ACCSL: variants seen among roughly 807,000 people sequenced by gnomAD.
ACCSL encodes the protein 1-aminocyclopropane-1-carboxylate synthase homolog (inactive) like, also known as probable inactive 1-aminocyclopropane-1-carboxylate synthase-like protein 2.
Under a neutral mutation model 61.7 loss-of-function variants are expected in ACCSL, and 55 were observed. The ratio of observed to expected loss-of-function variants is 0.89; its 90% confidence interval spans 0.72 to 1.12. The LOEUF (loss-of-function observed/expected upper bound fraction) is 1.12. Among genes scored for constraint, ACCSL ranks in the 50% most tolerant of loss-of-function variants. ACCSL has a pLI of 0.00. For synonymous variants in ACCSL, 258 were observed against 264.3 expected (o/e 0.98, Z 0.23); for missense variants, 632 against 698.0 (o/e 0.91, Z 1.07).
the ACCSL span, among the ~76,000 whole-genome samples, chr11:43,954,968 G>T: frequency 6.6e-6 from 1 of 152,212 alleles, no homozygotes. Flanking sequence ...CAAGCTTCCA[G>T]CTTGCTTATC....
chr11:43,988,073 C>G, the ACCSL span, among the ~76,000 whole-genome samples: 54,215 of 151,960 alleles, frequency 0.36, 9,795 homozygotes, highest in South Asian at 0.44. Context: ...CTAGCCTCAG[C>G]TCCACCATGA....
the ACCSL span, among the ~76,000 whole-genome samples, chr11:44,009,274 G>A: frequency 6.6e-6 from 1 of 152,188 alleles, no homozygotes; most frequent in South Asian, 2.1e-4. Context: ...CCAGGCCTTT[G>A]CTTCTCCCAG....
the ACCSL span, among the ~76,000 whole-genome samples, chr11:43,939,160 T>G: frequency 6.6e-6 from 1 of 152,214 alleles, no homozygotes; most frequent in Non-Finnish European, 1.5e-5. Flanking sequence ...TTCCAACCAT[T>G]TTTCTAGAAT....
chr11:44,015,207 T>C, the ACCSL span, among the ~76,000 whole-genome samples: 2 of 152,254 alleles, frequency 1.3e-5, no homozygotes, highest in Non-Finnish European at 2.9e-5. Context: ...ATTCATGCAT[T>C]ATATCACTGC....
chr11:43,969,383 T>A, the ACCSL span, among the ~76,000 whole-genome samples: 14 of 152,146 alleles, frequency 9.2e-5, no homozygotes, highest in East Asian at 1.9e-4. Context: ...AATAAAAAAA[T>A]TTTTTAAACA....
At chr11:44,031,238 G>C in the ACCSL span, among the ~76,000 whole-genome samples, 2 of 152,312 alleles carry the variant, frequency 1.3e-5, no homozygotes, top group East Asian at 3.9e-4. Context: ...ACGTCATCCT[G>C]CCCCCTGCCA....
At chr11:43,944,252 G>C in the ACCSL span, 2 of 173,162 alleles carry the variant, frequency 1.2e-5, no homozygotes, top group South Asian at 1.3e-4. Flanking sequence ...CACAGAAGAC[G>C]CATCTCCCTC....
the ACCSL span, among the ~76,000 whole-genome samples, chr11:44,001,683 G>T: frequency 6.6e-6 from 1 of 151,828 alleles, no homozygotes; most frequent in Non-Finnish European, 1.5e-5. Flanking sequence ...ATCTAAATGT[G>T]GGTGGACAGG....
chr11:43,969,476 A>G, the ACCSL span, among the ~76,000 whole-genome samples: 1 of 152,212 alleles, frequency 6.6e-6, no homozygotes, highest in South Asian at 2.1e-4. Flanking sequence ...TTAGTGAGGT[A>G]GTATATGCAA....
At chr11:43,941,323 A>G in the ACCSL span, among the ~76,000 whole-genome samples, 1 of 152,202 alleles carries the variant, frequency 6.6e-6, no homozygotes, top group Admixed American at 6.5e-5. Context: ...TCCCATTAGA[A>G]TGTAACTTTC....
chr11:43,933,191 T>C, the ACCSL span: 1 of 456,114 alleles, frequency 2.2e-6, no homozygotes, highest in Non-Finnish European at 4.4e-6. Flanking sequence ...TACTGGCTCA[T>C]GGTTTGGTAG....
At position 44,050,636 on chromosome 11, in the gene ACCSL, A is replaced by T. The variant is rs372522833; in HGVS notation, c.635+14A>T. On this transcript the variant is annotated intron_variant, in intron 3 of 13. Coordinates refer to ENST00000378832, the MANE Select transcript of ACCSL (RefSeq NM_001031854.2). Reference sequence around the variant, plus strand: ...AGGGCAGCCATTGTAAGTGACCTTCAGATTTAGAGTCTCTTGGTCCCACAG... The same window carrying T: ...AGGGCAGCCATTGTAAGTGACCTTCTGATTTAGAGTCTCTTGGTCCCACAG... 1.9e-6 allele frequency: 3 copies of T among 1,612,830 alleles called. No individual in the cohort carries two copies. In the African/African-American group the frequency reaches 4.0e-5, roughly 22 times the overall value.
At chr11:43,975,633 A>T in the ACCSL span, among the ~76,000 whole-genome samples, 1,155 of 152,334 alleles carry the variant, frequency 7.6e-3, 12 homozygotes, top group African/African-American at 0.026. Flanking sequence ...CCCTAAAAAC[A>T]TTCACAAGAG....
the ACCSL span, chr11:43,933,509 AG>A: frequency 0.14 from 26,247 of 181,538 alleles, 2,181 homozygotes; most frequent in Middle Eastern, 0.23. Flanking sequence ...CTGAAGTCAG[AG>A]GGGTGAAACT....
chr11:43,941,266 GTTC>G, the ACCSL span, among the ~76,000 whole-genome samples: 11 of 152,162 alleles, frequency 7.2e-5, no homozygotes, highest in South Asian at 8.3e-4. Flanking sequence ...CACAAAACAT[GTTC>G]TTCTTCGTGT....
chr11:44,054,256 A>T (rs1454963638), intron 8 of ACCSL, among the ~76,000 whole-genome samples: 1 of 152,128 alleles, frequency 6.6e-6, no homozygotes, highest in Non-Finnish European at 1.5e-5. Flanking sequence ...CATTTTCCAT[A>T]AGAAACAGAC....
At chr11:43,970,784 T>A in the ACCSL span, among the ~76,000 whole-genome samples, 1 of 152,198 alleles carries the variant, frequency 6.6e-6, no homozygotes, top group Non-Finnish European at 1.5e-5. Flanking sequence ...ATTATTACTA[T>A]CATGAGTTAT....
At chr11:44,037,264 A>G in the ACCSL span, among the ~76,000 whole-genome samples, 3 of 152,304 alleles carry the variant, frequency 2.0e-5, no homozygotes, top group East Asian at 1.9e-4. Context: ...TAATCCTATC[A>G]CTAGATTCTG....
At chr11:43,962,793 C>G in the ACCSL span, among the ~76,000 whole-genome samples, 4 of 152,180 alleles carry the variant, frequency 2.6e-5, no homozygotes, top group African/African-American at 9.6e-5. Context: ...GCTAATAAAT[C>G]TTTCTGGGAA....
Sources: gnomAD v4.1 joint callset for allele counts (sites outside exome capture counted in the v4.1 genomes callset) on GRCh38, gnomAD v4.1.1 for gene constraint, MANE v1.5 for transcripts, NCBI Gene and HGNC (gene_info 2026-07-23, HGNC 2026-07-21) for gene names.